LARS2: variants seen among roughly 807,000 people sequenced by gnomAD.
LARS2 encodes the protein leucine--tRNA ligase, mitochondrial.
In LARS2, 81 loss-of-function variants were observed where a neutral mutation model predicts 116.6. The observed-to-expected ratio is 0.69, with a 90% CI of 0.58 to 0.84. LARS2 has a LOEUF of 0.84. Ranked by LOEUF, LARS2 falls within the 40% of genes least tolerant of loss-of-function variation. The probability of loss-of-function intolerance (pLI) is 0.00; values close to 1 mark genes in which losing one functional copy is unlikely to be tolerated. For synonymous variants in LARS2, 396 were observed against 407.2 expected (o/e 0.97, Z 0.33); for missense variants, 968 against 1,114.5 (o/e 0.87, Z 1.87).
chr3:45,547,378 C>A lies in LARS2; in HGVS notation c.2560C>A (p.Pro854Thr), dbSNP rs755182456. The A allele has an allele frequency of 9.9e-6, 16 of 1,610,948 alleles. No homozygotes were observed. In the South Asian group the frequency reaches 1.8e-4, roughly 18 times the overall value. ...LINNKACGKI[P>T]VPQQVARDQD... Reference sequence around the variant, plus strand: ...CAACAATAAAGCTTGTGGCAAAATTCCTGTGCCCCAACAAGTTGCCCGGGA... The same window carrying A: ...CAACAATAAAGCTTGTGGCAAAATTACTGTGCCCCAACAAGTTGCCCGGGA... Residue 854 changes from proline (P) to threonine (T), a missense_variant, in exon 22 of 22, where the codon CCT becomes ACT. Pro to Thr is a conservative substitution (Grantham distance 38, BLOSUM62 -1). Transcript: ENST00000645846.
intron 13 of LARS2, among the ~76,000 whole-genome samples, chr3:45,494,877 G>C (rs1219442882): frequency 1.3e-5 from 2 of 152,208 alleles, no homozygotes; most frequent in Non-Finnish European, 2.9e-5. Context: ...AGACCAGCCT[G>C]GCCAACATGG....
intron 1 of LARS2, among the ~76,000 whole-genome samples, chr3:45,389,668 A>G (rs1697906254): frequency 6.6e-6 from 1 of 152,250 alleles, no homozygotes; most frequent in Admixed American, 6.5e-5. Context: ...GAGTCTTCTT[A>G]TCTTAGAAGA....
chr3:45,459,199 AG>A lies in LARS2; in HGVS notation c.750+319del, dbSNP rs537068418. On this transcript the variant is annotated intron_variant, in intron 8 of 21. Transcript: ENST00000645846. ...AGTGATAAAGCTTTAAAAAAGAGAG[AG>A]GGGGGCCTTTAAAAAAAGAGAGAGA... Among the ~76,000 whole-genome samples the A allele has an allele frequency of 2.6e-3, 402 of 152,218 alleles. 3 individuals carry two copies. Among genetic ancestry groups the A allele is most frequent in the African/African-American group, 8.2e-3 (339 of 41,530 alleles).
intron 4 of LARS2, among the ~76,000 whole-genome samples, chr3:45,407,367 T>C (rs1215673427): frequency 6.6e-6 from 1 of 152,182 alleles, no homozygotes; most frequent in Non-Finnish European, 1.5e-5. Context: ...AGATAGTGAA[T>C]TTCCAGGGCA....
intron 4 of LARS2, among the ~76,000 whole-genome samples, chr3:45,415,308 T>C (rs1010088762): frequency 3.9e-5 from 6 of 152,218 alleles, no homozygotes; most frequent in Non-Finnish European, 8.8e-5. Context: ...TAGAAGGTGA[T>C]TAGAGAGCAG....
At chr3:45,439,608 G>A (rs1390436280) in intron 6 of LARS2, among the ~76,000 whole-genome samples, 1 of 147,774 alleles carries the variant, frequency 6.8e-6, no homozygotes, top group African/African-American at 2.5e-5. Flanking sequence ...TGGGTTTAAA[G>A]TTGTTATTTC....
At chr3:45,418,651 G>A (rs1698469330) in intron 5 of LARS2, among the ~76,000 whole-genome samples, 2 of 152,170 alleles carry the variant, frequency 1.3e-5, no homozygotes, top group Non-Finnish European at 2.9e-5. Flanking sequence ...GTCTGCTTCC[G>A]TGAGACAGTG....
chr3:45,541,701 G>T, intron 20 of LARS2, 128 bp from the exon 21 acceptor site: 2 of 1,203,292 alleles, frequency 1.7e-6, no homozygotes, highest in South Asian at 1.6e-5. Flanking sequence ...AGCAGCCATG[G>T]TCTGGCTTCC....
chr3:45,522,552 G>A (rs1383026697), intron 19 of LARS2, among the ~76,000 whole-genome samples: 1 of 152,200 alleles, frequency 6.6e-6, no homozygotes, highest in African/African-American at 2.4e-5. Context: ...TCAACATGGT[G>A]AAACCCTGTC....
intron 4 of LARS2, among the ~76,000 whole-genome samples, chr3:45,415,920 GAGA>G (rs1305453685): frequency 1.3e-4 from 19 of 148,756 alleles, no homozygotes; most frequent in African/African-American, 4.6e-4. Context: ...GAGAGAGAGA[GAGA>G]GGCTATTTTA....
chr3:45,394,185 G>C (rs1283353373), intron 2 of LARS2, among the ~76,000 whole-genome samples: 1 of 152,232 alleles, frequency 6.6e-6, no homozygotes, highest in South Asian at 2.1e-4. Flanking sequence ...CTGGCCAGCT[G>C]ATGGTCTCCA....
chr3:45,434,180 T>C (rs1338942636), intron 6 of LARS2, among the ~76,000 whole-genome samples: 2 of 152,246 alleles, frequency 1.3e-5, no homozygotes, highest in Admixed American at 6.5e-5. Context: ...TTCAACTCTA[T>C]TCTTTTTACC....
chr3:45,517,954 C>G lies in LARS2; in HGVS notation c.2096C>G (p.Thr699Arg). ...TGGCAACAACGACTGTGGACCTTGA[C>G]AACTCGGTTTATTGAGGCCAGGGCT... Reference protein sequence around the residue: ...LRWQQRLWTLTTRFIEARASG... With the variant: ...LRWQQRLWTLRTRFIEARASG... The change falls in exon 18 of 22, where the codon ACA (threonine) becomes AGA (arginine). Residue 699 changes from threonine to arginine, a missense_variant. By Grantham distance (71) the Thr-to-Arg change is moderately conservative. Coordinates refer to ENST00000645846, the MANE Select transcript of LARS2 (RefSeq NM_015340.4). The G allele has an allele frequency of 6.2e-7, 1 of 1,614,098 alleles. No individual in the cohort carries two copies. The highest frequency in any genetic ancestry group is 8.5e-7 in the Non-Finnish European group (1 of 1,179,962).
At chr3:45,504,936 C>T (rs548859323) in intron 15 of LARS2, among the ~76,000 whole-genome samples, 48 of 151,552 alleles carry the variant, frequency 3.2e-4, no homozygotes, top group African/African-American at 1.0e-3. Flanking sequence ...AAGAATTAGC[C>T]GAGCATGGTG....
chr3:45,547,610 GC>G lies in LARS2; in HGVS notation c.*83del. The G allele has an allele frequency of 7.6e-7, 1 of 1,312,040 alleles. No homozygotes were observed. Among genetic ancestry groups the G allele is most frequent in the Non-Finnish European group, 1.1e-6 (1 of 946,322 alleles). 81.3% of individuals were successfully genotyped at this position (1,312,040 alleles called of 1,614,324 possible). A position where few individuals can be genotyped will look rare whatever the true frequency, so the allele number is the denominator to read the frequency against. On this transcript the variant is annotated 3_prime_UTR_variant, in exon 22 of 22. Coordinates refer to ENST00000645846, the MANE Select transcript of LARS2 (RefSeq NM_015340.4). The stretch of plus-strand genomic sequence containing the variant: ...TGGGATGAGGGGGCGATGTCTGCTG[GC>G]CCAGGGGAAGGGAAAAGACAAATGT...
In LARS2 at chr3:45,418,643, C is replaced by T. The variant is rs183406950; in HGVS notation, c.456-1026C>T. 2.8e-4 allele frequency among the ~76,000 whole-genome samples: 42 copies of T among 152,324 alleles called. 2 individuals carry two copies. The highest frequency in any genetic ancestry group is 9.9e-4 in the African/African-American group (41 of 41,572). On this transcript the variant is annotated intron_variant, in intron 5 of 21. Transcript: ENST00000645846. The stretch of plus-strand genomic sequence containing the variant: ...CCATTTGTTTACATATTGTCCGTGT[C>T]TGCTTCCGTGAGACAGTGGCAGAGC...
chr3:45,443,674 C>T (rs1299074586), intron 6 of LARS2, among the ~76,000 whole-genome samples: 3 of 152,196 alleles, frequency 2.0e-5, no homozygotes, highest in East Asian at 1.9e-4. Context: ...TTCAGTACGA[C>T]GGAACTTATG....
intron 6 of LARS2, among the ~76,000 whole-genome samples, chr3:45,431,917 A>G (rs978800364): frequency 6.6e-6 from 1 of 152,198 alleles, no homozygotes; most frequent in East Asian, 1.9e-4. Context: ...GCTGTCTCCA[A>G]CAGACTCATT....
intron 4 of LARS2, among the ~76,000 whole-genome samples, chr3:45,405,524 C>T (rs912560219): frequency 6.6e-6 from 1 of 152,146 alleles, no homozygotes; most frequent in African/African-American, 2.4e-5. Context: ...TTAGAACTCA[C>T]ATATCTCAGT....
Sources: allele counts gnomAD v4.1 joint callset (sites outside exome capture counted in the v4.1 genomes callset), GRCh38; gene constraint gnomAD v4.1.1; transcripts MANE v1.5; gene names NCBI Gene and HGNC (gene_info 2026-07-23, HGNC 2026-07-21).